Variants in SDK1 observed in about 807,000 individuals in gnomAD.
SDK1 encodes the protein protein sidekick-1.
SDK1 carries 157 observed loss-of-function variants against 245.5 expected under a neutral mutation model. That is an observed-to-expected ratio of 0.64 (90% CI 0.56 to 0.73). The LOEUF (loss-of-function observed/expected upper bound fraction) is 0.73. SDK1 is among the 30% of genes least tolerant of loss of function. SDK1 has a pLI of 0.00. For missense variants in SDK1, 3,583 were observed against 3,002.3 expected, an observed-to-expected ratio of 1.19 and a Z score of -4.52; for synonymous variants, 1,647 against 1,278.5, an observed-to-expected ratio of 1.29 and a Z score of -6.15.
intron 1 of SDK1, among the ~76,000 whole-genome samples, chr7:3,611,939 C>G (rs1292504891): frequency 6.6e-6 from 1 of 152,126 alleles, no homozygotes; most frequent in Non-Finnish European, 1.5e-5. Context: ...GAAATAATGG[C>G]ATTCACAGCT....
chr7:3,507,450 G>T (rs2128610291), intron 1 of SDK1, among the ~76,000 whole-genome samples: 1 of 152,258 alleles, frequency 6.6e-6, no homozygotes, highest in Admixed American at 6.5e-5. Context: ...TGCAGTAAAT[G>T]CTCGGAATAA....
intron 16 of SDK1, among the ~76,000 whole-genome samples, chr7:4,015,395 A>G (rs1786316880): frequency 6.6e-6 from 1 of 152,140 alleles, no homozygotes. Flanking sequence ...TGCCCAGGCT[A>G]CTCAGGTGCA....
chr7:4,053,955 T>C (rs1053619569), intron 19 of SDK1, among the ~76,000 whole-genome samples: 3 of 152,092 alleles, frequency 2.0e-5, no homozygotes, highest in African/African-American at 7.2e-5. Context: ...TGTTGTTGTT[T>C]TGAGACAGAA....
At chr7:4,243,359 C>A (rs1583161984) in intron 43 of SDK1, among the ~76,000 whole-genome samples, 1 of 152,294 alleles carries the variant, frequency 6.6e-6, no homozygotes, top group East Asian at 1.9e-4. Context: ...ATGGACCCTT[C>A]CCTTAGGTTT....
intron 5 of SDK1, among the ~76,000 whole-genome samples, chr7:3,913,056 G>A (rs567338523): frequency 1.3e-5 from 2 of 152,306 alleles, no homozygotes; most frequent in Admixed American, 6.5e-5. Flanking sequence ...ATTAAGGAGG[G>A]TTTAATGACA....
At chr7:3,393,535 A>G (rs1020855327) in intron 1 of SDK1, among the ~76,000 whole-genome samples, 2 of 152,188 alleles carry the variant, frequency 1.3e-5, no homozygotes, top group African/African-American at 2.4e-5. Flanking sequence ...AAACAACTCA[A>G]GGGAATATCG....
At chr7:3,377,977 C>G (rs775985311) in intron 1 of SDK1, among the ~76,000 whole-genome samples, 1 of 152,054 alleles carries the variant, frequency 6.6e-6, no homozygotes, top group African/African-American at 2.4e-5. Flanking sequence ...GGGGGTTTCA[C>G]CATGTTGGCC....
At chr7:3,636,018 T>G (rs1782447688) in intron 2 of SDK1, among the ~76,000 whole-genome samples, 1 of 152,276 alleles carries the variant, frequency 6.6e-6, no homozygotes, top group Non-Finnish European at 1.5e-5. Context: ...ATGATGTACC[T>G]TATTCAACTG....
chr7:3,837,329 G>C (rs1458595652), intron 5 of SDK1, among the ~76,000 whole-genome samples: 2 of 152,158 alleles, frequency 1.3e-5, no homozygotes, highest in Non-Finnish European at 2.9e-5. Flanking sequence ...TAACAGCTGG[G>C]AGAACATTTT....
chr7:3,684,595 C>T (rs1168765712), intron 4 of SDK1, among the ~76,000 whole-genome samples: 1 of 152,090 alleles, frequency 6.6e-6, no homozygotes, highest in East Asian at 1.9e-4. Context: ...ACCTGAAGAC[C>T]ATTTATCATA....
chr7:4,098,911 G>A (rs1285579426), intron 22 of SDK1, among the ~76,000 whole-genome samples: 1 of 140,140 alleles, frequency 7.1e-6, no homozygotes, highest in African/African-American at 2.7e-5. Context: ...GAGCTCAAGC[G>A]ATCCTCCTGC....
chr7:3,723,672 G>T (rs1399136323), intron 4 of SDK1, among the ~76,000 whole-genome samples: 3 of 151,532 alleles, frequency 2.0e-5, no homozygotes, highest in Admixed American at 2.0e-4. Context: ...GTGTGTGTGT[G>T]TGTGTGTATA....
Position 3,614,998 on chromosome 7 carries a change from T to G in SDK1, c.299-4082T>G, listed in dbSNP as rs750721422. Among the ~76,000 whole-genome samples the G allele has an allele frequency of 2.6e-5, 4 of 151,640 alleles. No homozygotes were observed. The East Asian group carries it at 7.7e-4, about 29-fold the overall frequency. ...CATGTTTGTTTAACTATAAAGTCCATGAAAAATTGAGTTGTAGTATCATTT... is the reference window on the plus strand; with the variant it reads ...CATGTTTGTTTAACTATAAAGTCCAGGAAAAATTGAGTTGTAGTATCATTT... On this transcript the variant is annotated intron_variant, in intron 1 of 44. Coordinates refer to ENST00000404826, the MANE Select transcript of SDK1 (RefSeq NM_152744.4).
chr7:3,417,351 T>C (rs1468242952), intron 1 of SDK1, among the ~76,000 whole-genome samples: 1 of 152,190 alleles, frequency 6.6e-6, no homozygotes, highest in South Asian at 2.1e-4. Flanking sequence ...TCGTCTTCTT[T>C]CTGCTGCATG....
chr7:3,631,022 A>C (rs1782272979), intron 2 of SDK1, among the ~76,000 whole-genome samples: 2 of 151,928 alleles, frequency 1.3e-5, no homozygotes, highest in Admixed American at 1.3e-4. Flanking sequence ...AGCTTCTGCC[A>C]CCCCAGCTCA....
chr7:3,429,501 T>A (rs1021908843), intron 1 of SDK1, among the ~76,000 whole-genome samples: 2 of 152,144 alleles, frequency 1.3e-5, no homozygotes, highest in African/African-American at 4.8e-5. Flanking sequence ...CATCTCTCAT[T>A]TTTGATCTTG....
At chr7:3,757,817 C>G (rs1779980525) in intron 4 of SDK1, among the ~76,000 whole-genome samples, 1 of 152,132 alleles carries the variant, frequency 6.6e-6, no homozygotes, top group Admixed American at 6.5e-5. Context: ...CAGGCCCCCT[C>G]CCCTCCCAGG....
At chr7:3,376,246 T>C (rs1233313735) in intron 1 of SDK1, among the ~76,000 whole-genome samples, 2 of 152,094 alleles carry the variant, frequency 1.3e-5, no homozygotes, top group Non-Finnish European at 2.9e-5. Context: ...AATGTAAAAA[T>C]GGAACCGTTA....
intron 1 of SDK1, among the ~76,000 whole-genome samples, chr7:3,580,717 C>T (rs1004005307): frequency 6.6e-6 from 1 of 151,942 alleles, no homozygotes; most frequent in African/African-American, 2.4e-5. Flanking sequence ...GCCTGTAATC[C>T]CAGCATTTTG....
Sources: gnomAD v4.1 joint callset for allele counts (sites outside exome capture counted in the v4.1 genomes callset) on GRCh38, gnomAD v4.1.1 for gene constraint, MANE v1.5 for transcripts, NCBI Gene and HGNC (gene_info 2026-07-23, HGNC 2026-07-21) for gene names.